The following ADAMTSL3 variants were observed in gnomAD, a reference collection of about 807,000 sequenced individuals.
ADAMTSL3 encodes the protein ADAMTS-like protein 3.
Under a neutral mutation model 201.7 loss-of-function variants are expected in ADAMTSL3, and 128 were observed. That is an observed-to-expected ratio of 0.63 (90% CI 0.55 to 0.73). The LOEUF is 0.73. Ranked by LOEUF, ADAMTSL3 falls within the 30% of genes least tolerant of loss-of-function variation. The pLI is 0.00. For synonymous variants in ADAMTSL3, 738 were observed against 748.4 expected, an observed-to-expected ratio of 0.99 and a Z score of 0.23; for missense variants, 1,990 against 2,119.6, an observed-to-expected ratio of 0.94 and a Z score of 1.20.
rs750122102 is a variant in ADAMTSL3 at position 83,923,998 on chromosome 15, G to A, written c.2082G>A (p.Met694Ile). Residue 694 changes from methionine to isoleucine, a missense_variant, in exon 17 of 30, where the codon ATG becomes ATA. Met to Ile is a conservative substitution (Grantham distance 10, BLOSUM62 1). Transcript: ENST00000286744. ...ATATGGTCCACCGTCCTCCAGCCAT[G>A]AGCCAGGCCTGTAACACAGAGCCCT... ...LCDMVHRPPA[M>I]SQACNTEPCP... 8 of 1,613,996 alleles carry A rather than the reference G, an allele frequency of 5.0e-6. No individual in the cohort carries two copies. The Admixed American group carries it at 1.3e-4, about 27-fold the overall frequency.
intron 3 of ADAMTSL3, among the ~76,000 whole-genome samples, chr15:83,763,645 C>T (rs2062844934): frequency 6.6e-6 from 1 of 151,938 alleles, no homozygotes; most frequent in Non-Finnish European, 1.5e-5. Context: ...GCTGGGACTA[C>T]AGGCGCCCAC....
chr15:83,794,449 T>A (rs2063392092), intron 4 of ADAMTSL3, among the ~76,000 whole-genome samples: 1 of 152,138 alleles, frequency 6.6e-6, no homozygotes, highest in South Asian at 2.1e-4. Context: ...TGGTGTTACA[T>A]CCATACCAGG....
At chr15:83,833,168 C>T (rs187923936) in intron 6 of ADAMTSL3, among the ~76,000 whole-genome samples, 1 of 152,234 alleles carries the variant, frequency 6.6e-6, no homozygotes, top group East Asian at 1.9e-4. Flanking sequence ...AAGTAAATTG[C>T]CCAAGTTGTA....
At chr15:83,892,108 T>A (rs2065511539) in intron 12 of ADAMTSL3, among the ~76,000 whole-genome samples, 2 of 149,886 alleles carry the variant, frequency 1.3e-5, no homozygotes, top group East Asian at 2.0e-4. Flanking sequence ...CCCAGCTACT[T>A]GAGAGGCTGA....
intron 20 of ADAMTSL3, among the ~76,000 whole-genome samples, chr15:83,979,501 T>TA (rs1400715192): frequency 3.9e-5 from 6 of 152,240 alleles, no homozygotes; most frequent in South Asian, 4.2e-4. Flanking sequence ...AGGTGAGTAA[T>TA]AAAAAAAGGA....
intron 16 of ADAMTSL3, among the ~76,000 whole-genome samples, chr15:83,917,897 A>G (rs2066068226): frequency 6.6e-6 from 1 of 152,192 alleles, no homozygotes; most frequent in Non-Finnish European, 1.5e-5. Flanking sequence ...GTGTTTAATC[A>G]CAGTGTGTGG....
At chr15:84,033,964 A>G (rs912269541) in intron 28 of ADAMTSL3, among the ~76,000 whole-genome samples, 12 of 152,180 alleles carry the variant, frequency 7.9e-5, no homozygotes, top group Non-Finnish European at 1.8e-4. Context: ...ATAATGGAAG[A>G]AAATTCCTAG....
intron 3 of ADAMTSL3, among the ~76,000 whole-genome samples, chr15:83,725,616 G>A (rs2062162039): frequency 6.6e-6 from 1 of 152,102 alleles, no homozygotes; most frequent in Non-Finnish European, 1.5e-5. Context: ...TCTGCATATG[G>A]ACATCCAATA....
chr15:83,865,675 G>C (rs1279128083), intron 8 of ADAMTSL3, among the ~76,000 whole-genome samples: 1 of 152,134 alleles, frequency 6.6e-6, no homozygotes, highest in East Asian at 1.9e-4. Flanking sequence ...AGAAAACCTA[G>C]GCAATACCAT....
chr15:83,980,225 A>C (rs936353949), intron 20 of ADAMTSL3, among the ~76,000 whole-genome samples: 1 of 152,194 alleles, frequency 6.6e-6, no homozygotes, highest in Non-Finnish European at 1.5e-5. Context: ...TCACCTGCTC[A>C]GGCCACTCTG....
chr15:83,760,686 TTTTAGAA>T (rs1348710512), intron 3 of ADAMTSL3, among the ~76,000 whole-genome samples: 1 of 152,160 alleles, frequency 6.6e-6, no homozygotes, highest in African/African-American at 2.4e-5. Flanking sequence ...GTACTTTCAC[TTTTAGAA>T]TTTGTTCCAT....
chr15:83,856,297 AGCTGGGATTACAG>A (rs753339845), intron 7 of ADAMTSL3, among the ~76,000 whole-genome samples: 3 of 150,646 alleles, frequency 2.0e-5, no homozygotes, highest in Non-Finnish European at 4.4e-5. Context: ...ACTCCCAAGT[AGCTGGGATTACAG>A]GCACACACCA....
At chr15:84,027,793 C>G (rs556066335) in intron 27 of ADAMTSL3, among the ~76,000 whole-genome samples, 1 of 152,074 alleles carries the variant, frequency 6.6e-6, no homozygotes, top group African/African-American at 2.4e-5. Context: ...TTAATAATAA[C>G]CACAATGTCA....
chr15:83,881,133 G>C (rs1435084575), intron 9 of ADAMTSL3, among the ~76,000 whole-genome samples: 1 of 152,144 alleles, frequency 6.6e-6, no homozygotes, highest in Non-Finnish European at 1.5e-5. Flanking sequence ...TATTTTAGCT[G>C]TCTTATTTTT....
At chr15:83,675,182 A>G (rs906792126) in intron 2 of ADAMTSL3, among the ~76,000 whole-genome samples, 3 of 152,102 alleles carry the variant, frequency 2.0e-5, no homozygotes, top group Non-Finnish European at 2.9e-5. Context: ...ACAAAGGGAT[A>G]TAAGACCTAA....
intron 9 of ADAMTSL3, among the ~76,000 whole-genome samples, chr15:83,875,132 A>T (rs2065154266): frequency 6.6e-6 from 1 of 152,230 alleles, no homozygotes; most frequent in African/African-American, 2.4e-5. Context: ...AGGGAGAGAA[A>T]GCAGGGTGAT....
chr15:83,964,429 T>C (rs769195435), intron 19 of ADAMTSL3, among the ~76,000 whole-genome samples: 37 of 151,146 alleles, frequency 2.4e-4, no homozygotes, highest in Admixed American at 3.3e-4. Context: ...ATATCAGAGA[T>C]TGAAGATGAA....
chr15:83,970,736 G>T, intron 20 of ADAMTSL3, 99 bp downstream of exon 20: 3 of 1,441,272 alleles, frequency 2.1e-6, no homozygotes, highest in Non-Finnish European at 2.8e-6. Context: ...TCTAATCTGT[G>T]GGTAAGGCAA....
intron 2 of ADAMTSL3, among the ~76,000 whole-genome samples, chr15:83,680,508 T>C (rs2061463594): frequency 7.6e-6 from 1 of 131,226 alleles, no homozygotes; most frequent in African/African-American, 2.9e-5. Context: ...CACACCTTAG[T>C]TGTTGTTTTT....
Sources: gnomAD v4.1 joint callset for allele counts (sites outside exome capture counted in the v4.1 genomes callset) on GRCh38, gnomAD v4.1.1 for gene constraint, MANE v1.5 for transcripts, NCBI Gene and HGNC (gene_info 2026-07-23, HGNC 2026-07-21) for gene names.